Variants in SEPTIN14 observed in about 807,000 individuals in gnomAD.
SEPTIN14 encodes septin-14.
A neutral mutation model predicts 53.6 loss-of-function variants in SEPTIN14; 40 were observed. That is an observed-to-expected ratio of 0.75 (90% CI 0.58 to 0.97). The LOEUF (loss-of-function observed/expected upper bound fraction) is 0.97. Among genes scored for constraint, SEPTIN14 ranks in the 50% least tolerant of loss-of-function variants. SEPTIN14 has a pLI of 0.00. For synonymous variants in SEPTIN14, 138 were observed against 166.8 expected, an observed-to-expected ratio of 0.83 and a Z score of 1.33; for missense variants, 471 against 508.2, an observed-to-expected ratio of 0.93 and a Z score of 0.70.
chr7:55,841,558 A>G (rs2116046776), intron 5 of SEPTIN14, among the ~76,000 whole-genome samples: 1 of 152,198 alleles, frequency 6.6e-6, no homozygotes, highest in East Asian at 1.9e-4. Flanking sequence ...CGTCTCTATT[A>G]AAAATACAAA....
At chr7:55,858,384 GAC>G (rs1353894724) in intron 2 of SEPTIN14, among the ~76,000 whole-genome samples, 1 of 152,174 alleles carries the variant, frequency 6.6e-6, no homozygotes, top group Non-Finnish European at 1.5e-5. Flanking sequence ...TATTGCAAGA[GAC>G]ATACTCTTTC....
At chr7:55,796,268 T>A (rs527313705) in intron 9 of SEPTIN14, among the ~76,000 whole-genome samples, 176 bp from the exon 10 acceptor site, 25 of 152,246 alleles carry the variant, frequency 1.6e-4, no homozygotes, top group African/African-American at 6.0e-4. Context: ...CTTTTCTTTC[T>A]TTTTTCCTTT....
At chr7:55,832,098 G>T (rs1789117506) in intron 6 of SEPTIN14, among the ~76,000 whole-genome samples, 1 of 152,098 alleles carries the variant, frequency 6.6e-6, no homozygotes, top group South Asian at 2.1e-4. Flanking sequence ...GCTACTCGGA[G>T]GCTGAGGCAG....
At chr7:55,825,671 A>T (rs915776290) in intron 6 of SEPTIN14, among the ~76,000 whole-genome samples, 1 of 152,184 alleles carries the variant, frequency 6.6e-6, no homozygotes. Context: ...TTTTACATTT[A>T]AAAAGAAGGA....
chr7:55,816,925 T>A (rs896922764), intron 7 of SEPTIN14, among the ~76,000 whole-genome samples: 1 of 152,146 alleles, frequency 6.6e-6, no homozygotes, highest in African/African-American at 2.4e-5. Context: ...TTGGTGGCAA[T>A]GTAAATTAGG....
chr7:55,809,309 C>CTT lies in SEPTIN14; in HGVS notation c.818-2053_818-2052dup, dbSNP rs780613537. Among the ~76,000 whole-genome samples the CTT allele has an allele frequency of 4.2e-3, 370 of 88,630 alleles. 4 individuals are homozygous for CTT. The highest frequency in any genetic ancestry group is 0.015 in the African/African-American group (320 of 21,742). The allele number at this position is 88,630 out of a possible 152,430, so 58.1% of individuals were successfully genotyped here. A position where few individuals can be genotyped will look rare whatever the true frequency, so the allele number is the denominator to read the frequency against. On this transcript the variant is annotated intron_variant, in intron 7 of 9. Transcript: ENST00000388975. Reference sequence around the variant, plus strand: ...GAGGACAGAAAAGCTACTATGCTTACTTTTTTTTTTTTTTTTTTTTTTGGT... The same window carrying CTT: ...GAGGACAGAAAAGCTACTATGCTTACTTTTTTTTTTTTTTTTTTTTTTTTGGT...
intron 2 of SEPTIN14, among the ~76,000 whole-genome samples, chr7:55,855,701 G>C (rs1174564293): frequency 6.6e-6 from 1 of 151,930 alleles, no homozygotes; most frequent in Non-Finnish European, 1.5e-5. Flanking sequence ...GGTTATAGCC[G>C]TGCCACCACG....
chr7:55,845,581 G>A (rs112302602), intron 3 of SEPTIN14, among the ~76,000 whole-genome samples: 1,814 of 152,042 alleles, frequency 0.012, 21 homozygotes, highest in African/African-American at 0.033. Context: ...TAAGTAAACC[G>A]GGTAATAGAT....
In SEPTIN14 at chr7:55,843,037, C is replaced by G. The variant is rs1393067058; in HGVS notation, c.463G>C (p.Asp155His). Residue 155 changes from aspartate to histidine, a missense_variant, in exon 5 of 10, where the codon GAT becomes CAT. Asp to His is a moderately conservative substitution (Grantham distance 81). Coordinates refer to ENST00000388975, the MANE Select transcript of SEPTIN14 (RefSeq NM_207366.3). ...KIKRSLFEYHDSRVHVCLYFI... is the reference protein window; with the variant it reads ...KIKRSLFEYHHSRVHVCLYFI... ...TAAAGACACACGTGGACGCGAGAAT[C>G]ATGGTACTCAAACAAGGAACGTTTA... The G allele has an allele frequency of 6.2e-7, 1 of 1,601,780 alleles. No individual in the cohort carries two copies. Among genetic ancestry groups the G allele is most frequent in the Non-Finnish European group, 8.5e-7 (1 of 1,173,608 alleles).
chr7:55,834,441 G>GTCAAGCGAA lies in SEPTIN14; in HGVS notation c.703_704insTTCGCTTGA (p.Ala235delinsValArgLeuThr). 1 of 1,609,804 alleles carries GTCAAGCGAA rather than the reference G, an allele frequency of 6.2e-7. No homozygotes were observed. ...GAAACTTACACTAACTGAGGAGTTCGCTTGAGCAGCAGTTTCTTCATCTGT... is the reference window on the plus strand; with the variant it reads ...GAAACTTACACTAACTGAGGAGTTCGTCAAGCGAACTTGAGCAGCAGTTTCTTCATCTGT... On this transcript the variant is annotated protein_altering_variant, in exon 6 of 10. Transcript: ENST00000388975.
At chr7:55,822,282 A>G (rs1205637628) in intron 6 of SEPTIN14, among the ~76,000 whole-genome samples, 2 of 152,348 alleles carry the variant, frequency 1.3e-5, no homozygotes, top group African/African-American at 2.4e-5. Context: ...GAGACATTCC[A>G]TGTACATGGA....
chr7:55,796,326 C>A (rs561180612), intron 9 of SEPTIN14, among the ~76,000 whole-genome samples: 1 of 151,862 alleles, frequency 6.6e-6, no homozygotes, highest in South Asian at 2.1e-4. Flanking sequence ...TGCAGTGGCG[C>A]GATCTCAGCT....
At chr7:55,806,290 T>C (rs905579700) in intron 8 of SEPTIN14, among the ~76,000 whole-genome samples, 1 of 149,548 alleles carries the variant, frequency 6.7e-6, no homozygotes, top group African/African-American at 2.5e-5. Context: ...CGGGAGCCAC[T>C]GCACCCGGCT....
intron 2 of SEPTIN14, among the ~76,000 whole-genome samples, chr7:55,856,786 G>A (rs367909562): frequency 6.6e-6 from 1 of 152,150 alleles, no homozygotes; most frequent in African/African-American, 2.4e-5. Context: ...ATGAAAACAA[G>A]TGCAGGCCAG....
intron 6 of SEPTIN14, among the ~76,000 whole-genome samples, chr7:55,829,919 C>T (rs1485718204): frequency 6.6e-6 from 1 of 151,638 alleles, no homozygotes; most frequent in African/African-American, 2.4e-5. Flanking sequence ...TGGCTCACGC[C>T]TGTAATCCCA....
At chr7:55,822,116 G>A (rs184811324) in intron 6 of SEPTIN14, among the ~76,000 whole-genome samples, 72 of 152,236 alleles carry the variant, frequency 4.7e-4, no homozygotes, top group African/African-American at 1.5e-3. Context: ...GGTCCCTCCC[G>A]AAACATGTGG....
At chr7:55,820,137 T>C (rs778305642) in intron 6 of SEPTIN14, among the ~76,000 whole-genome samples, 10 of 152,012 alleles carry the variant, frequency 6.6e-5, no homozygotes, top group Non-Finnish European at 1.2e-4. Flanking sequence ...GTAGCTGGGA[T>C]TACAGGTGCC....
intron 4 of SEPTIN14, 77 bp from the exon 5 acceptor site, chr7:55,843,205 T>A: frequency 1.2e-6 from 1 of 807,142 alleles, no homozygotes; most frequent in Non-Finnish European, 1.9e-6. Context: ...TAATGAGCAG[T>A]TAACATGTAT....
At chr7:55,853,489 CATAGAG>C (rs1789554212) in intron 2 of SEPTIN14, among the ~76,000 whole-genome samples, 1 of 152,028 alleles carries the variant, frequency 6.6e-6, no homozygotes. Flanking sequence ...CAATTGAACT[CATAGAG>C]ATAGAGAGTG....
Sources: gnomAD v4.1 joint callset for allele counts (sites outside exome capture counted in the v4.1 genomes callset) on GRCh38, gnomAD v4.1.1 for gene constraint, MANE v1.5 for transcripts, NCBI Gene and HGNC (gene_info 2026-07-23, HGNC 2026-07-21) for gene names.